Variants in HCRTR2 observed in about 807,000 individuals in gnomAD.
The protein encoded by HCRTR2 is hypocretin receptor 2.
A neutral mutation model predicts 49.0 loss-of-function variants in HCRTR2; 22 were observed. The ratio of observed to expected loss-of-function variants is 0.45; its 90% CI spans 0.32 to 0.64. The LOEUF (loss-of-function observed/expected upper bound fraction) is 0.64. Among genes scored for constraint, HCRTR2 ranks in the 30% least tolerant of loss-of-function variants. HCRTR2 has a pLI of 0.04. For synonymous variants in HCRTR2, 236 were observed against 205.3 expected, an observed-to-expected ratio of 1.15 and a Z score of -1.28; for missense variants, 491 against 559.4, an observed-to-expected ratio of 0.88 and a Z score of 1.23.
intron 1 of HCRTR2, among the ~76,000 whole-genome samples, chr6:55,110,909 C>A (rs1370987104): frequency 6.6e-6 from 1 of 152,048 alleles, no homozygotes; most frequent in Non-Finnish European, 1.5e-5. Context: ...CCACTGACAA[C>A]TGCAGAATAT....
rs771167608 is a variant in HCRTR2, at chr6:55,280,453, TCAAC to T, written c.1105+10_1105+13del. On this transcript the variant is annotated intron_variant, in intron 6 of 6. Coordinates refer to ENST00000370862, the MANE Select transcript of HCRTR2 (RefSeq NM_001384272.1). ...TTATAATTTTCTCAGTGGTGAGTTT[TCAAC>T]TGTTCTTCCATAAGCCACAATTGTA... 3 of 1,611,824 alleles carry T rather than the reference TCAAC, an allele frequency of 1.9e-6. No individual in the cohort carries two copies. Among genetic ancestry groups the T allele is most frequent in the Non-Finnish European group, 2.5e-6 (3 of 1,178,962 alleles).
At chr6:55,128,855 T>A (rs568465489) in intron 1 of HCRTR2, among the ~76,000 whole-genome samples, 2 of 152,126 alleles carry the variant, frequency 1.3e-5, no homozygotes, top group African/African-American at 4.8e-5. Flanking sequence ...TGATTTAATA[T>A]AATAACATGA....
intron 1 of HCRTR2, among the ~76,000 whole-genome samples, chr6:55,239,293 C>A (rs1281369986): frequency 6.6e-6 from 1 of 152,180 alleles, no homozygotes; most frequent in African/African-American, 2.4e-5. Flanking sequence ...CTCTTGGTGC[C>A]AGAAGGCTTG....
intron 1 of HCRTR2, among the ~76,000 whole-genome samples, chr6:55,144,644 A>G (rs73432967): frequency 6.6e-6 from 1 of 152,102 alleles, no homozygotes; most frequent in Non-Finnish European, 1.5e-5. Flanking sequence ...GATCCCTCGC[A>G]TGCGCAGTTC....
At chr6:55,231,512 A>T (rs910585279) in intron 1 of HCRTR2, among the ~76,000 whole-genome samples, 1 of 151,036 alleles carries the variant, frequency 6.6e-6, no homozygotes, top group African/African-American at 2.4e-5. Context: ...AAGTACTTGC[A>T]TTTTTTTTTA....
chr6:55,124,200 T>A (rs1764242366), intron 1 of HCRTR2, among the ~76,000 whole-genome samples: 1 of 152,194 alleles, frequency 6.6e-6, no homozygotes, highest in Admixed American at 6.6e-5. Context: ...CTTTTAATTT[T>A]GGTGTCAGAG....
At chr6:55,141,057 G>A (rs888136398) in intron 1 of HCRTR2, among the ~76,000 whole-genome samples, 9 of 152,054 alleles carry the variant, frequency 5.9e-5, no homozygotes, top group African/African-American at 1.2e-4. Flanking sequence ...GTTAGAGGCC[G>A]GGTGCGACGG....
chr6:55,154,034 T>A (rs540893602), intron 1 of HCRTR2, among the ~76,000 whole-genome samples: 1 of 151,292 alleles, frequency 6.6e-6, no homozygotes, highest in Non-Finnish European at 1.5e-5. Flanking sequence ...AGAAAAAAAA[T>A]GGATAAATTC....
intron 1 of HCRTR2, among the ~76,000 whole-genome samples, chr6:55,109,073 G>T (rs1248761324): frequency 6.6e-6 from 1 of 152,092 alleles, no homozygotes; most frequent in African/African-American, 2.4e-5. Context: ...CATATCACAG[G>T]ACTCTGCAGA....
At chr6:55,154,637 T>C (rs867194345) in intron 1 of HCRTR2, among the ~76,000 whole-genome samples, 5 of 151,578 alleles carry the variant, frequency 3.3e-5, no homozygotes, top group Middle Eastern at 6.8e-3. Flanking sequence ...TTGCTTCTAT[T>C]CAGCATAGTG....
intron 1 of HCRTR2, among the ~76,000 whole-genome samples, chr6:55,112,625 A>G (rs1385268602): frequency 1.3e-5 from 2 of 151,832 alleles, no homozygotes; most frequent in Non-Finnish European, 2.9e-5. Flanking sequence ...ACCTCAAAAC[A>G]CTGCTGAAAG....
chr6:55,179,684 C>A (rs1376636605), intron 1 of HCRTR2, among the ~76,000 whole-genome samples: 1 of 152,058 alleles, frequency 6.6e-6, no homozygotes, highest in Non-Finnish European at 1.5e-5. Context: ...TTTCAAGAGA[C>A]CAAATCTAAA....
At chr6:55,143,987 A>C (rs1449092678) in intron 1 of HCRTR2, among the ~76,000 whole-genome samples, 4 of 152,136 alleles carry the variant, frequency 2.6e-5, no homozygotes, top group South Asian at 2.1e-4. Context: ...GTCACATATT[A>C]GTCATGAATC....
chr6:55,181,684 A>G (rs1400036109), intron 1 of HCRTR2, among the ~76,000 whole-genome samples: 1 of 152,196 alleles, frequency 6.6e-6, no homozygotes, highest in Non-Finnish European at 1.5e-5. Context: ...ACTGTGGAAG[A>G]AAAGCATGGG....
intron 1 of HCRTR2, among the ~76,000 whole-genome samples, chr6:55,155,740 CAAAA>C (rs1419599362): frequency 1.3e-5 from 2 of 151,788 alleles, no homozygotes; most frequent in South Asian, 4.1e-4. Context: ...TTCAAGGTGA[CAAAA>C]AAATCAGATT....
At chr6:55,163,156 G>A (rs187160811) in intron 1 of HCRTR2, among the ~76,000 whole-genome samples, 79 of 152,064 alleles carry the variant, frequency 5.2e-4, no homozygotes, top group African/African-American at 1.9e-3. Context: ...AGAATGGCGT[G>A]AACCCAGGAG....
intron 1 of HCRTR2, among the ~76,000 whole-genome samples, chr6:55,152,030 T>C (rs1026478871): frequency 7.2e-5 from 11 of 151,964 alleles, no homozygotes; most frequent in Admixed American, 1.3e-4. Flanking sequence ...GCAGACCTGC[T>C]GCCATCCAGG....
intron 1 of HCRTR2, among the ~76,000 whole-genome samples, chr6:55,222,155 G>T (rs1263230643): frequency 6.6e-6 from 1 of 152,064 alleles, no homozygotes; most frequent in Non-Finnish European, 1.5e-5. Flanking sequence ...GGACCTGATG[G>T]ATATCTCTCC....
intron 1 of HCRTR2, among the ~76,000 whole-genome samples, chr6:55,115,231 C>T (rs779463165): frequency 1.3e-5 from 2 of 151,692 alleles, no homozygotes; most frequent in African/African-American, 2.4e-5. Flanking sequence ...AGTTCTCCAA[C>T]CTACTTATTC....
Sources: allele counts gnomAD v4.1 joint callset (sites outside exome capture counted in the v4.1 genomes callset), GRCh38; gene constraint gnomAD v4.1.1; transcripts MANE v1.5; gene names NCBI Gene and HGNC (gene_info 2026-07-23, HGNC 2026-07-21).